ATP11C: variants seen among roughly 807,000 people sequenced by gnomAD.
The protein encoded by ATP11C is phospholipid-transporting ATPase IG.
Under a neutral mutation model 97.4 loss-of-function variants are expected in ATP11C, and 36 were observed. The observed-to-expected ratio is 0.37, with a 90% CI of 0.28 to 0.49. The LOEUF is 0.49. Ranked by LOEUF, ATP11C falls within the 20% of genes least tolerant of loss-of-function variation. The pLI is 0.98. For synonymous variants in ATP11C, 275 were observed against 290.9 expected, an observed-to-expected ratio of 0.95 and a Z score of 0.56; for missense variants, 730 against 824.6, an observed-to-expected ratio of 0.89 and a Z score of 1.40.
chrX:139,875,448 A>C (rs1320685119), intron 1 of ATP11C, among the ~76,000 whole-genome samples: 1 of 108,347 alleles, frequency 9.2e-6, no homozygotes, highest in Non-Finnish European at 1.9e-5. Context: ...GAAAAAAGAA[A>C]TTAGCTGGGC....
At chrX:139,870,784 C>T (rs1183098260) in intron 1 of ATP11C, among the ~76,000 whole-genome samples, 1 of 112,077 alleles carries the variant, frequency 8.9e-6, no homozygotes. Context: ...CGGCCAGGCG[C>T]GGTGGCTCAC....
chrX:139,866,343 CAAAAAAAAAAA>C (rs57250412), intron 1 of ATP11C, among the ~76,000 whole-genome samples: 2 of 27,572 alleles, frequency 7.3e-5, no homozygotes, highest in Admixed American at 5.9e-4. Flanking sequence ...GACTCTGTCT[CAAAAAAAAAAA>C]AAAAAAAAAA....
intron 16 of ATP11C, among the ~76,000 whole-genome samples, chrX:139,784,253 G>A (rs986676010): frequency 9.0e-6 from 1 of 111,453 alleles, no homozygotes; most frequent in Non-Finnish European, 1.9e-5. Flanking sequence ...AGAATAGCAA[G>A]TATTTGAAAT....
chrX:139,918,549 G>C (rs1157916500), intron 1 of ATP11C, among the ~76,000 whole-genome samples: 9 of 100,428 alleles, frequency 9.0e-5, no homozygotes, highest in African/African-American at 3.3e-4. Context: ...TTGAACCCGG[G>C]GCGGGGGTGG....
At chrX:139,913,983 G>A (rs940243993) in intron 1 of ATP11C, among the ~76,000 whole-genome samples, 9 of 111,997 alleles carry the variant, frequency 8.0e-5, no homozygotes, top group Non-Finnish European at 1.7e-4. Flanking sequence ...GAGACCCAAA[G>A]AGTAAAACAG....
intron 12 of ATP11C, among the ~76,000 whole-genome samples, chrX:139,791,330 T>G (rs1489552675): frequency 8.9e-6 from 1 of 111,802 alleles, no homozygotes; most frequent in Non-Finnish European, 1.9e-5. Flanking sequence ...CCTGGATTAT[T>G]TCATCTCCTG....
intron 1 of ATP11C, among the ~76,000 whole-genome samples, chrX:139,892,298 G>A (rs1489821803): frequency 3.6e-5 from 4 of 111,900 alleles, no homozygotes; most frequent in African/African-American, 1.3e-4. Flanking sequence ...GCAAGGCCTA[G>A]AAGGAAATCC....
intron 26 of ATP11C, among the ~76,000 whole-genome samples, chrX:139,742,864 TAAAAA>T (rs573243237): frequency 1.1e-3 from 23 of 20,133 alleles, no homozygotes; most frequent in African/African-American, 5.3e-3. Context: ...ATTTTTAAAT[TAAAAA>T]AAAAAAAATA....
In ATP11C at chrX:139,932,756, G is replaced by T. The variant is rs1482577316; in HGVS notation, c.-714C>A. On this transcript the variant is annotated 5_prime_UTR_variant, in exon 1 of 30. Transcript: ENST00000682941. ...CAGGGAGCCTGGGTACAGCCAACCG[G>T]CCCGCCCTGAGCCAGCCGACGGCCA... 1 of 111,948 alleles carries T rather than the reference G, an allele frequency of 8.9e-6. No individual in the cohort carries two copies. The highest frequency in any genetic ancestry group is 1.9e-5 in the Non-Finnish European group (1 of 53,059). 9.2% of individuals were successfully genotyped at this position (111,948 alleles called of 1,213,427 possible).
intron 1 of ATP11C, among the ~76,000 whole-genome samples, chrX:139,891,449 A>G (rs964230874): frequency 8.9e-6 from 1 of 112,121 alleles, no homozygotes; most frequent in African/African-American, 3.2e-5. Flanking sequence ...AAAGCCCTCC[A>G]TGAACCACCC....
At chrX:139,896,605 T>G (rs2084811800) in intron 1 of ATP11C, among the ~76,000 whole-genome samples, 1 of 100,987 alleles carries the variant, frequency 9.9e-6, no homozygotes, top group African/African-American at 3.8e-5. Context: ...TTTTTTTCCC[T>G]TTCTTGAGAA....
intron 1 of ATP11C, among the ~76,000 whole-genome samples, chrX:139,836,243 C>T (rs1196858039): frequency 9.1e-6 from 1 of 109,806 alleles, no homozygotes; most frequent in Non-Finnish European, 1.9e-5. Flanking sequence ...GGGCCGGGCA[C>T]GGTGGCTCAT....
At chrX:139,841,885 G>A (rs1413961830) in intron 1 of ATP11C, among the ~76,000 whole-genome samples, 1 of 112,374 alleles carries the variant, frequency 8.9e-6, no homozygotes, top group African/African-American at 3.2e-5. Context: ...CCTAAGGAAA[G>A]TTATTTCTTC....
At chrX:139,866,493 C>T (rs774510538) in intron 1 of ATP11C, among the ~76,000 whole-genome samples, 3 of 109,233 alleles carry the variant, frequency 2.7e-5, no homozygotes, top group Admixed American at 9.9e-5. Flanking sequence ...CAAGGTGGGC[C>T]GATCGCTTGA....
intron 15 of ATP11C, among the ~76,000 whole-genome samples, chrX:139,786,475 A>G (rs1190798671): frequency 9.2e-6 from 1 of 108,768 alleles, no homozygotes; most frequent in Non-Finnish European, 1.9e-5. Flanking sequence ...CTGGGCTTCT[A>G]TGAATCTCTC....
chrX:139,877,129 T>G (rs1003115882), intron 1 of ATP11C, among the ~76,000 whole-genome samples: 2 of 112,073 alleles, frequency 1.8e-5, no homozygotes, highest in African/African-American at 3.2e-5. Flanking sequence ...ACTGCTGCTA[T>G]TTCAAAGGCA....
intron 12 of ATP11C, among the ~76,000 whole-genome samples, chrX:139,794,965 A>C (rs1378286812): frequency 8.9e-6 from 1 of 111,770 alleles, no homozygotes. Flanking sequence ...ATTAACTGTC[A>C]GGGAAAGGTT....
chrX:139,788,062 A>G (rs929378759), intron 14 of ATP11C, 130 bp downstream of exon 14: 8 of 603,606 alleles, frequency 1.3e-5, no homozygotes, highest in Non-Finnish European at 2.0e-5. Context: ...TGGCTAAAGC[A>G]GTTGTGTTTT....
intron 1 of ATP11C, among the ~76,000 whole-genome samples, chrX:139,918,018 A>C (rs1453624413): frequency 9.3e-6 from 1 of 107,705 alleles, no homozygotes; most frequent in Non-Finnish European, 1.9e-5. Context: ...ATTGTTGGTG[A>C]GTATATGGAG....
Sources: allele counts gnomAD v4.1 joint callset (sites outside exome capture counted in the v4.1 genomes callset), GRCh38; gene constraint gnomAD v4.1.1; transcripts MANE v1.5; gene names NCBI Gene and HGNC (gene_info 2026-07-23, HGNC 2026-07-21).